The following PRH1 variants were observed in gnomAD, a reference collection of about 807,000 sequenced individuals.
PRH1 encodes the protein salivary acidic proline-rich phosphoprotein 1/2.
PRH1 carries 7 observed loss-of-function variants against 7.9 expected under a neutral mutation model. The ratio of observed to expected loss-of-function variants is 0.89; its 90% CI spans 0.50 to 1.67. The LOEUF is 1.67. Ranked by LOEUF, PRH1 falls within the 40% of genes most tolerant of loss-of-function variation. PRH1 has a pLI of 0.00. For synonymous variants in PRH1, 45 were observed against 80.8 expected, an observed-to-expected ratio of 0.56 and a Z score of 2.38; for missense variants, 109 against 223.6, an observed-to-expected ratio of 0.49 and a Z score of 3.27.
chr12:11,087,548 G>C lies in PRH1; in HGVS notation n.124-40360C>G, dbSNP rs1178537371. On this transcript the variant is annotated intron_variant and non_coding_transcript_variant, in intron 1 of 4. Transcript: ENST00000541977. ...CTGGCAGGACACTCACATTATTCGT[G>C]AACTGTGGAGTAAGGGACATTATTA... 3.4e-5 allele frequency among the ~76,000 whole-genome samples: 4 copies of C among 116,556 alleles called. 2 individuals carry two copies. The highest frequency in any genetic ancestry group is 3.4e-4 in the Admixed American group (4 of 11,672). 76.5% of individuals were successfully genotyped at this position (116,556 alleles called of 152,430 possible). A position where few individuals can be genotyped will look rare whatever the true frequency, so the allele number is the denominator to read the frequency against.
intron 2 of PRH1, chr12:10,964,869 C>G (rs994872356): frequency 1.8e-6 from 1 of 552,790 alleles, no homozygotes; most frequent in South Asian, 1.8e-5. Flanking sequence ...TCCCAACTCA[C>G]GTTTCCTTCA....
chr12:11,049,581 T>C (rs921589647), upstream of PRH1, among the ~76,000 whole-genome samples: 1 of 152,226 alleles, frequency 6.6e-6, no homozygotes, highest in Admixed American at 6.5e-5. Context: ...TGTGTTAGTA[T>C]GCAAATAAAG....
intron 2 of PRH1, among the ~76,000 whole-genome samples, chr12:10,892,663 T>C (rs1463997218): frequency 6.6e-6 from 1 of 152,166 alleles, no homozygotes; most frequent in African/African-American, 2.4e-5. Flanking sequence ...AAAATTGTTA[T>C]GGAGGTAAAT....
intron 1 of PRH1, among the ~76,000 whole-genome samples, chr12:11,026,280 C>T (rs924846568): frequency 5.6e-5 from 7 of 124,386 alleles, no homozygotes; most frequent in African/African-American, 1.7e-4. Context: ...CTCCCACCTT[C>T]GCCTCCCAAA....
At chr12:11,112,886 T>C (rs1945630102) in intron 1 of PRH1, among the ~76,000 whole-genome samples, 1 of 152,144 alleles carries the variant, frequency 6.6e-6, no homozygotes, top group Admixed American at 6.5e-5. Flanking sequence ...GACAGGATTG[T>C]ATATTTAGAA....
intron 2 of PRH1, among the ~76,000 whole-genome samples, chr12:10,941,430 T>C (rs1950398309): frequency 6.6e-6 from 1 of 152,178 alleles, no homozygotes. Context: ...TTAATCCATT[T>C]CAGTGTCAAA....
chr12:11,171,086 C>CTA, intron 1 of PRH1: 1 of 375,514 alleles, frequency 2.7e-6, no homozygotes, highest in African/African-American at 2.1e-5. Context: ...TTCGTACATG[C>CTA]TATATAACAC....
intron 2 of PRH1, among the ~76,000 whole-genome samples, chr12:10,946,433 G>A (rs992168622): frequency 6.6e-6 from 1 of 152,126 alleles, no homozygotes; most frequent in Non-Finnish European, 1.5e-5. Context: ...TCTGCACAGA[G>A]GTGTTTACAG....
chr12:11,143,108 T>C (rs547847975), intron 1 of PRH1, among the ~76,000 whole-genome samples: 1 of 128,108 alleles, frequency 7.8e-6, no homozygotes, highest in Non-Finnish European at 1.8e-5. Flanking sequence ...AATTAAATCA[T>C]GAACTGACAA....
At position 11,089,657 on chromosome 12, in the gene PRH1, G is replaced by C. The variant is rs543556181; in HGVS notation, n.124-42469C>G. Among the ~76,000 whole-genome samples, 5 of 128,858 alleles carry C rather than the reference G, an allele frequency of 3.9e-5. No individual in the cohort carries two copies. The East Asian group carries it at 8.1e-4, about 21-fold the overall frequency. The allele number at this position is 128,858 out of a possible 152,430, so 84.5% of individuals were successfully genotyped here. On this transcript the variant is annotated intron_variant and non_coding_transcript_variant, in intron 1 of 4. Coordinates refer to the PRH1 transcript ENST00000541977. ...TAAAAACATTTTGGTAAAGTAGCTG[G>C]TTACTAACTCAATTTTTTGAAATGA...
At chr12:10,938,386 T>A in intron 2 of PRH1, 1 of 1,613,992 alleles carries the variant, frequency 6.2e-7, no homozygotes, top group Non-Finnish European at 8.5e-7. Flanking sequence ...ATGAGTGACA[T>A]GAAGGATAAG....
rs112808907 is a variant in PRH1, at chr12:10,890,384, G to GGT, written c.-58-6111_-58-6110dup. The stretch of plus-strand genomic sequence containing the variant: ...CTATCCACAAAGTCTTCCTAACTTT[G>GGT]GTGTGTGTGTGTGTGTGTTTGTGTG... On this transcript the variant is annotated intron_variant, in intron 2 of 3. Coordinates refer to the PRH1 transcript ENST00000539853. 3.5e-3 allele frequency among the ~76,000 whole-genome samples: 532 copies of GGT among 150,784 alleles called. 4 individuals carry two copies. Among genetic ancestry groups the GGT allele is most frequent in the African/African-American group, 0.011 (444 of 41,166 alleles).
At chr12:10,970,363 T>C (rs1405088095) in intron 2 of PRH1, among the ~76,000 whole-genome samples, 1 of 152,164 alleles carries the variant, frequency 6.6e-6, no homozygotes, top group African/African-American at 2.4e-5. Context: ...TAATTTAATA[T>C]CTACAGTACC....
At chr12:10,963,959 A>T (rs1015663199) in intron 2 of PRH1, among the ~76,000 whole-genome samples, 2 of 151,100 alleles carry the variant, frequency 1.3e-5, no homozygotes, top group Non-Finnish European at 3.0e-5. Flanking sequence ...TACCATCCAA[A>T]AAACTAGACG....
intron 1 of PRH1, among the ~76,000 whole-genome samples, chr12:11,099,321 A>T (rs2600335): frequency 0.46 from 69,179 of 151,930 alleles, 16,561 homozygotes; most frequent in Non-Finnish European, 0.53. Flanking sequence ...GAAAGTAATG[A>T]AGTCAGATTG....
intron 1 of PRH1, among the ~76,000 whole-genome samples, chr12:11,161,895 C>T (rs1947428738): frequency 6.6e-6 from 1 of 152,050 alleles, no homozygotes; most frequent in Admixed American, 6.5e-5. Context: ...GTAAGGACAA[C>T]CATTTTGGAA....
chr12:11,000,280 G>A (rs1394903401), intron 1 of PRH1, among the ~76,000 whole-genome samples: 2 of 151,980 alleles, frequency 1.3e-5, no homozygotes, highest in South Asian at 2.1e-4. Context: ...TATCATTTCT[G>A]TTAATTTTTA....
At chr12:10,885,597 CCT>C (rs1949478984), upstream of PRH1, among the ~76,000 whole-genome samples, 1 of 152,196 alleles carries the variant, frequency 6.6e-6, no homozygotes, top group South Asian at 2.1e-4. Context: ...TCCAAAAAGC[CCT>C]GTCAGAGTCC....
chr12:11,069,428 T>A (rs371189352), intron 1 of PRH1, among the ~76,000 whole-genome samples: 1 of 148,806 alleles, frequency 6.7e-6, no homozygotes, highest in Admixed American at 6.7e-5. Flanking sequence ...AGAATTGAGA[T>A]CTTGGGCAAT....
Sources: allele counts gnomAD v4.1 joint callset (sites outside exome capture counted in the v4.1 genomes callset), GRCh38; gene constraint gnomAD v4.1.1; transcripts MANE v1.5; gene names NCBI Gene and HGNC (gene_info 2026-07-23, HGNC 2026-07-21).